NKAIN2: variants seen among roughly 807,000 people sequenced by gnomAD.
The protein encoded by NKAIN2 is sodium/potassium-transporting ATPase subunit beta-1-interacting protein 2.
NKAIN2 carries 14 observed loss-of-function variants against 32.6 expected under a neutral mutation model. That is an observed-to-expected ratio of 0.43 (90% CI 0.28 to 0.67). NKAIN2 has a LOEUF of 0.67. Among genes scored for constraint, NKAIN2 ranks in the 30% least tolerant of loss-of-function variants. The pLI, the probability that NKAIN2 is intolerant of heterozygous loss-of-function variation, is 0.17. For missense variants in NKAIN2, 198 were observed against 258.3 expected (o/e 0.77, Z 1.60); for synonymous variants, 80 against 87.2 (o/e 0.92, Z 0.46).
At position 124,007,410 on chromosome 6, in the gene NKAIN2, G is replaced by C. The variant is rs373421129; in HGVS notation, c.54+203156G>C. On this transcript the variant is annotated intron_variant, in intron 1 of 6. Transcript: ENST00000368417. ...AGATTGCCACCAATGAGTGTGTACA[G>C]TGAAAGCAACACCCATCCTAAATTT... 3.1e-3 allele frequency among the ~76,000 whole-genome samples: 471 copies of C among 152,252 alleles called. 2 individuals carry two copies. The highest frequency in any genetic ancestry group is 0.011 in the African/African-American group (453 of 41,554).
At chr6:123,868,233 A>G (rs1772679338) in intron 1 of NKAIN2, among the ~76,000 whole-genome samples, 1 of 152,162 alleles carries the variant, frequency 6.6e-6, no homozygotes, top group Admixed American at 6.5e-5. Flanking sequence ...CCCTGGAGGC[A>G]TGGCTATGTC....
At chr6:124,745,947 G>A (rs1318670533) in intron 4 of NKAIN2, among the ~76,000 whole-genome samples, 1 of 151,870 alleles carries the variant, frequency 6.6e-6, no homozygotes, top group African/African-American at 2.4e-5. Context: ...GCCAGAAAGA[G>A]CAATGGGGGA....
At chr6:124,513,178 T>G (rs918058137) in intron 3 of NKAIN2, among the ~76,000 whole-genome samples, 2 of 152,170 alleles carry the variant, frequency 1.3e-5, no homozygotes, top group Middle Eastern at 3.2e-3. Flanking sequence ...TAAAATAATG[T>G]GAAAAGTTTC....
intron 3 of NKAIN2, among the ~76,000 whole-genome samples, chr6:124,472,299 G>A (rs1253354718): frequency 6.6e-6 from 1 of 152,064 alleles, no homozygotes; most frequent in African/African-American, 2.4e-5. Flanking sequence ...TTTTGAATAA[G>A]GTGCAGTGGT....
intron 3 of NKAIN2, among the ~76,000 whole-genome samples, chr6:124,395,279 C>T (rs1773329424): frequency 1.3e-5 from 2 of 152,068 alleles, no homozygotes; most frequent in African/African-American, 4.8e-5. Context: ...TAGGTGATTC[C>T]AGAGAGAAAT....
At chr6:124,181,015 T>A (rs1040362986) in intron 1 of NKAIN2, among the ~76,000 whole-genome samples, 3 of 152,242 alleles carry the variant, frequency 2.0e-5, no homozygotes, top group Non-Finnish European at 4.4e-5. Flanking sequence ...ATGAAGGTTC[T>A]GCCGCTGCAG....
intron 3 of NKAIN2, among the ~76,000 whole-genome samples, chr6:124,380,577 C>T (rs77343107): frequency 0.14 from 21,012 of 152,128 alleles, 2,232 homozygotes; most frequent in African/African-American, 0.3. Flanking sequence ...AAGCCAGGAT[C>T]TTTGGATCAT....
intron 1 of NKAIN2, among the ~76,000 whole-genome samples, chr6:124,205,248 C>T (rs1790806314): frequency 6.6e-6 from 1 of 151,808 alleles, no homozygotes; most frequent in Admixed American, 6.6e-5. Flanking sequence ...CAGCATCTCT[C>T]AGTATATTCA....
At chr6:124,153,634 C>T (rs921099609) in intron 1 of NKAIN2, among the ~76,000 whole-genome samples, 4 of 151,430 alleles carry the variant, frequency 2.6e-5, no homozygotes, top group African/African-American at 4.8e-5. Flanking sequence ...TCTTTCATCT[C>T]GATATTTTTC....
chr6:124,468,557 G>T (rs2114666652), intron 3 of NKAIN2, among the ~76,000 whole-genome samples: 1 of 152,140 alleles, frequency 6.6e-6, no homozygotes, highest in South Asian at 2.1e-4. Context: ...ATTACACATG[G>T]TTATTACTCA....
chr6:124,210,735 T>C (rs962247785), intron 1 of NKAIN2, among the ~76,000 whole-genome samples: 2 of 150,802 alleles, frequency 1.3e-5, no homozygotes, highest in Non-Finnish European at 2.9e-5. Context: ...TTTTTTGTTT[T>C]TTTTCAGATT....
At chr6:124,807,778 A>G (rs577053031) in intron 5 of NKAIN2, among the ~76,000 whole-genome samples, 3 of 151,672 alleles carry the variant, frequency 2.0e-5, no homozygotes, top group East Asian at 3.9e-4. Flanking sequence ...TCAAATAGAC[A>G]CAATAAAAAA....
intron 3 of NKAIN2, among the ~76,000 whole-genome samples, chr6:124,478,488 G>C (rs925706215): frequency 6.6e-6 from 1 of 152,132 alleles, no homozygotes; most frequent in African/African-American, 2.4e-5. Context: ...ACTAAAACAT[G>C]TACACAATCA....
At chr6:124,014,095 C>T (rs557558443) in intron 1 of NKAIN2, among the ~76,000 whole-genome samples, 2 of 152,050 alleles carry the variant, frequency 1.3e-5, no homozygotes, top group Non-Finnish European at 2.9e-5. Context: ...TACGTATCCC[C>T]CTTTAAATTC....
chr6:123,867,931 T>C (rs2318061), intron 1 of NKAIN2, among the ~76,000 whole-genome samples: 46,796 of 149,700 alleles, frequency 0.31, 7,972 homozygotes, highest in East Asian at 0.48. Context: ...TGCAGTGGCG[T>C]GATCTCTGCT....
chr6:123,983,979 C>T (rs1264336475), intron 1 of NKAIN2, among the ~76,000 whole-genome samples: 1 of 152,152 alleles, frequency 6.6e-6, no homozygotes, highest in Non-Finnish European at 1.5e-5. Context: ...ACAATCTCGG[C>T]TCACTGCAAC....
chr6:124,395,753 A>G (rs1003446593), intron 3 of NKAIN2, among the ~76,000 whole-genome samples: 6 of 152,152 alleles, frequency 3.9e-5, no homozygotes, highest in African/African-American at 1.4e-4. Context: ...ATAGAATGGC[A>G]ATGGATATGT....
chr6:124,369,067 A>G (rs1799639315), intron 3 of NKAIN2, among the ~76,000 whole-genome samples: 2 of 152,200 alleles, frequency 1.3e-5, no homozygotes. Flanking sequence ...GCAAAACATA[A>G]GTATAAAAAT....
At chr6:123,906,350 A>ATGGCTCACTGGCTCAC (rs150578968) in intron 1 of NKAIN2, among the ~76,000 whole-genome samples, 1 of 151,062 alleles carries the variant, frequency 6.6e-6, no homozygotes, top group African/African-American at 2.4e-5. Context: ...TGGTGCGATC[A>ATGGCTCACTGGCTCAC]TGGCTCACTG....
Sources: gnomAD v4.1 joint callset for allele counts (sites outside exome capture counted in the v4.1 genomes callset) on GRCh38, gnomAD v4.1.1 for gene constraint, MANE v1.5 for transcripts, NCBI Gene and HGNC (gene_info 2026-07-23, HGNC 2026-07-21) for gene names.